The following PPM1H variants were observed in gnomAD, a reference collection of about 807,000 sequenced individuals.
The protein encoded by PPM1H is protein phosphatase 1H.
A neutral mutation model predicts 54.9 loss-of-function variants in PPM1H; 27 were observed. That is an observed-to-expected ratio of 0.49 (90% CI 0.36 to 0.68). The LOEUF (loss-of-function observed/expected upper bound fraction) is 0.68. Ranked by LOEUF, PPM1H falls within the 30% of genes least tolerant of loss-of-function variation. PPM1H has a pLI of 0.00. For synonymous variants in PPM1H, 305 were observed against 270.8 expected, an observed-to-expected ratio of 1.13 and a Z score of -1.24; for missense variants, 596 against 667.8, an observed-to-expected ratio of 0.89 and a Z score of 1.19.
chr12:62,838,310 A>G (rs1182059719), intron 1 of PPM1H, among the ~76,000 whole-genome samples: 26 of 141,526 alleles, frequency 1.8e-4, no homozygotes. Context: ...ACTAGGAGGT[A>G]GACAGTAAAA....
At chr12:62,731,130 G>A (rs1257876113) in intron 5 of PPM1H, among the ~76,000 whole-genome samples, 1 of 152,160 alleles carries the variant, frequency 6.6e-6, no homozygotes, top group Non-Finnish European at 1.5e-5. Flanking sequence ...ATTTCTACGT[G>A]ATCCAGGGGA....
intron 1 of PPM1H, among the ~76,000 whole-genome samples, chr12:62,871,967 T>G (rs987817119): frequency 6.6e-6 from 1 of 152,228 alleles, no homozygotes; most frequent in Admixed American, 6.5e-5. Context: ...CTTTCAGGAT[T>G]TACAAAGTCC....
intron 1 of PPM1H, among the ~76,000 whole-genome samples, chr12:62,845,486 TTC>T (rs1322923104): frequency 4.6e-5 from 7 of 152,226 alleles, no homozygotes; most frequent in African/African-American, 1.7e-4. Flanking sequence ...GCTGAGGCAA[TTC>T]TCTGACACCT....
intron 3 of PPM1H, among the ~76,000 whole-genome samples, chr12:62,789,283 C>T (rs1288040300): frequency 1.3e-5 from 2 of 152,134 alleles, no homozygotes; most frequent in Non-Finnish European, 2.9e-5. Flanking sequence ...AAGCACTGGG[C>T]CACCATACCC....
At chr12:62,741,175 C>T (rs1343419750) in intron 4 of PPM1H, among the ~76,000 whole-genome samples, 1 of 152,160 alleles carries the variant, frequency 6.6e-6, no homozygotes, top group Non-Finnish European at 1.5e-5. Context: ...GACAGGCAGC[C>T]ATTCTAGACT....
At chr12:62,847,785 C>G (rs972881893) in intron 1 of PPM1H, among the ~76,000 whole-genome samples, 2 of 152,006 alleles carry the variant, frequency 1.3e-5, no homozygotes, top group African/African-American at 2.4e-5. Flanking sequence ...ACATAGATAA[C>G]TATTACTGAA....
chr12:62,896,442 C>T (rs699570), intron 1 of PPM1H, among the ~76,000 whole-genome samples: 69,501 of 151,848 alleles, frequency 0.46, 18,265 homozygotes, highest in African/African-American at 0.7. Flanking sequence ...GGGCGAAGGA[C>T]ATGAACAGAC....
intron 1 of PPM1H, among the ~76,000 whole-genome samples, chr12:62,871,419 AGT>A: frequency 6.6e-6 from 1 of 152,094 alleles, no homozygotes; most frequent in Non-Finnish European, 1.5e-5. Flanking sequence ...TAATAAATAC[AGT>A]GTTTCTTTTT....
At chr12:62,667,749 G>A (rs945127669) in intron 8 of PPM1H, among the ~76,000 whole-genome samples, 19 of 152,344 alleles carry the variant, frequency 1.2e-4, no homozygotes, top group Admixed American at 1.2e-3. Flanking sequence ...TGCTATAAAT[G>A]CAAAGTTAAA....
At chr12:62,737,457 C>T (rs370332526) in intron 5 of PPM1H, 45 bp downstream of exon 5, 2 of 1,359,684 alleles carry the variant, frequency 1.5e-6, no homozygotes, top group Middle Eastern at 2.0e-4. Context: ...GCTCCGATGC[C>T]ATCCCTGATG....
chr12:62,774,183 C>T (rs1328552105), intron 4 of PPM1H, among the ~76,000 whole-genome samples: 1 of 152,174 alleles, frequency 6.6e-6, no homozygotes, highest in Non-Finnish European at 1.5e-5. Flanking sequence ...TCCACTTGTT[C>T]TTTAAAGCAG....
intron 2 of PPM1H, among the ~76,000 whole-genome samples, chr12:62,820,333 T>G (rs1387292198): frequency 6.6e-6 from 1 of 152,210 alleles, no homozygotes; most frequent in Non-Finnish European, 1.5e-5. Flanking sequence ...AGGGCGTAGA[T>G]GAACAAAAGG....
At chr12:62,688,079 A>G (rs545395224) in intron 8 of PPM1H, among the ~76,000 whole-genome samples, 1 of 152,004 alleles carries the variant, frequency 6.6e-6, no homozygotes, top group African/African-American at 2.4e-5. Context: ...TTCCTGACTT[A>G]TGCCTTCCTG....
chr12:62,824,916 T>C (rs1312255158), intron 2 of PPM1H, among the ~76,000 whole-genome samples: 1 of 151,964 alleles, frequency 6.6e-6, no homozygotes, highest in Non-Finnish European at 1.5e-5. Flanking sequence ...CTAATCAAAC[T>C]GAAGAGCTTT....
chr12:62,817,496 A>G (rs533774827), intron 2 of PPM1H, among the ~76,000 whole-genome samples: 206 of 152,066 alleles, frequency 1.4e-3, no homozygotes, highest in African/African-American at 4.5e-3. Flanking sequence ...AAAAAAAACT[A>G]AGAAGAAAAG....
At chr12:62,841,950 G>A (rs1272956337) in intron 1 of PPM1H, among the ~76,000 whole-genome samples, 1 of 152,144 alleles carries the variant, frequency 6.6e-6, no homozygotes, top group African/African-American at 2.4e-5. Flanking sequence ...TCATCTTTGT[G>A]TATTTCCTTT....
intron 2 of PPM1H, among the ~76,000 whole-genome samples, chr12:62,806,078 C>T (rs1035675197): frequency 2.0e-5 from 3 of 152,018 alleles, no homozygotes; most frequent in Non-Finnish European, 1.5e-5. Flanking sequence ...TTTGGGATCT[C>T]TATTTTCAGA....
At chr12:62,672,432 T>C (rs2075961792) in intron 8 of PPM1H, among the ~76,000 whole-genome samples, 1 of 152,200 alleles carries the variant, frequency 6.6e-6, no homozygotes, top group Non-Finnish European at 1.5e-5. Context: ...TTCTGTCTCT[T>C]CTAAAAGACT....
Position 62,928,486 on chromosome 12 carries a change from A to G in PPM1H, c.245+6006T>C, listed in dbSNP as rs967393417. The stretch of plus-strand genomic sequence containing the variant: ...ATGGAGGGTCACAGAAGTAATGCAG[A>G]TAAGTCAGAATGAAAATCACAGTTA... On this transcript the variant is annotated intron_variant, in intron 1 of 9. Transcript: ENST00000228705. Among the ~76,000 whole-genome samples, 42 of 152,220 alleles carry G rather than the reference A, an allele frequency of 2.8e-4. 1 individual carries two copies. The highest frequency in any genetic ancestry group is 5.9e-5 in the Non-Finnish European group (4 of 68,040).
Sources: allele counts gnomAD v4.1 joint callset (sites outside exome capture counted in the v4.1 genomes callset), GRCh38; gene constraint gnomAD v4.1.1; transcripts MANE v1.5; gene names NCBI Gene and HGNC (gene_info 2026-07-23, HGNC 2026-07-21).